PTPN13: variants seen among roughly 807,000 people sequenced by gnomAD.
PTPN13 encodes the protein protein tyrosine phosphatase non-receptor type 13, also known as tyrosine-protein phosphatase non-receptor type 13.
PTPN13 carries 191 observed loss-of-function variants against 284.0 expected under a neutral mutation model. The ratio of observed to expected loss-of-function variants is 0.67; its 90% CI spans 0.60 to 0.76. The LOEUF is 0.76. Among genes scored for constraint, PTPN13 ranks in the 30% least tolerant of loss-of-function variants. PTPN13 has a pLI of 0.00. For missense variants in PTPN13, 2,797 were observed against 2,939.9 expected, an observed-to-expected ratio of 0.95 and a Z score of 1.12; for synonymous variants, 986 against 1,022.3, an observed-to-expected ratio of 0.96 and a Z score of 0.68.
chr4:86,773,262 G>C (rs1247265902), intron 32 of PTPN13, among the ~76,000 whole-genome samples: 1 of 152,174 alleles, frequency 6.6e-6, no homozygotes, highest in East Asian at 1.9e-4. Flanking sequence ...ACCTCACAGG[G>C]TTGTGGTGAA....
intron 12 of PTPN13, among the ~76,000 whole-genome samples, chr4:86,733,815 A>G (rs1050073141): frequency 6.6e-6 from 1 of 152,186 alleles, no homozygotes; most frequent in Non-Finnish European, 1.5e-5. Context: ...TTAAAAAATA[A>G]AATGATAAAT....
chr4:86,788,013 T>C (rs1010165859), intron 40 of PTPN13, among the ~76,000 whole-genome samples: 1 of 152,182 alleles, frequency 6.6e-6, no homozygotes, highest in Non-Finnish European at 1.5e-5. Context: ...CTAGATAAAT[T>C]AGTGCTTCCT....
At chr4:86,727,076 G>A (rs960548742) in intron 10 of PTPN13, among the ~76,000 whole-genome samples, 11 of 149,632 alleles carry the variant, frequency 7.4e-5, no homozygotes, top group African/African-American at 1.5e-4. Flanking sequence ...ATAATCATGT[G>A]GTTTTTGTAG....
intron 2 of PTPN13, among the ~76,000 whole-genome samples, chr4:86,659,458 A>G (rs746804395): frequency 6.6e-6 from 1 of 152,248 alleles, no homozygotes; most frequent in Admixed American, 6.5e-5. Context: ...TTAAGTATTC[A>G]TCTGAAATTA....
intron 3 of PTPN13, among the ~76,000 whole-genome samples, chr4:86,679,536 A>G (rs1041269425): frequency 5.9e-5 from 9 of 152,200 alleles, no homozygotes; most frequent in African/African-American, 1.7e-4. Context: ...GCAGCCACCT[A>G]TGTTTTATCA....
intron 47 of PTPN13, among the ~76,000 whole-genome samples, chr4:86,812,561 G>A (rs1239017792): frequency 6.6e-6 from 1 of 152,090 alleles, no homozygotes; most frequent in Non-Finnish European, 1.5e-5. Flanking sequence ...TAAACAGGGC[G>A]GCACCATTGG....
In PTPN13 at chr4:86,811,157, TA is replaced by T. The variant is rs757451538; in HGVS notation, c.7362+50del. 1.6e-5 allele frequency: 25 copies of T among 1,545,090 alleles called. No homozygotes were observed. The African/African-American group carries it at 2.9e-4, about 18-fold the overall frequency. On this transcript the variant is annotated intron_variant, in intron 47 of 47. Coordinates refer to ENST00000411767, the MANE Select transcript of PTPN13 (RefSeq NM_080683.3). The stretch of plus-strand genomic sequence containing the variant: ...ATGAGAATTTTTGTAAAGATTCTAA[TA>T]TTTTTTAAGGTTCTTATTAAACCAT...
chr4:86,777,776 T>C (rs527698874), intron 35 of PTPN13, among the ~76,000 whole-genome samples: 2 of 152,322 alleles, frequency 1.3e-5, no homozygotes, highest in African/African-American at 4.8e-5. Flanking sequence ...GTGTACTTTT[T>C]TTTCCCCTTG....
At chr4:86,720,415 G>C (rs1284144652) in intron 9 of PTPN13, among the ~76,000 whole-genome samples, 1 of 152,044 alleles carries the variant, frequency 6.6e-6, no homozygotes, top group East Asian at 1.9e-4. Flanking sequence ...ACTTCATGGG[G>C]AGAAAAAGCC....
intron 35 of PTPN13, among the ~76,000 whole-genome samples, chr4:86,776,453 C>G (rs1430175013): frequency 6.6e-6 from 1 of 152,202 alleles, no homozygotes; most frequent in Non-Finnish European, 1.5e-5. Context: ...AAACAGAAAT[C>G]TCACCAATCA....
Position 86,762,726 on chromosome 4 carries a change from G to A in PTPN13, c.3554-1G>A, listed in dbSNP as rs976542833. On this transcript the variant is annotated splice_acceptor_variant, in intron 23 of 47. Transcript: ENST00000411767. LOFTEE classifies it high-confidence loss of function. Reference sequence around the variant, plus strand: ...TCTCATTGATGGATTTTGACTTTTAGTGCCTTCTACTCCTGTGCATCTCAC... The same window carrying A: ...TCTCATTGATGGATTTTGACTTTTAATGCCTTCTACTCCTGTGCATCTCAC... 1.3e-6 allele frequency: 2 copies of A among 1,584,216 alleles called. No individual in the cohort carries two copies. The highest frequency in any genetic ancestry group is 2.3e-5 in the East Asian group (1 of 44,158).
In PTPN13 at chr4:86,693,641, C is replaced by T. The variant is rs1369632873; in HGVS notation, c.601C>T (p.Arg201Ter). Residue 201 changes from arginine to a stop codon, truncating the protein, a stop_gained, in exon 6 of 48, where the codon CGA becomes TGA. Coordinates refer to ENST00000411767, the MANE Select transcript of PTPN13 (RefSeq NM_080683.3). LOFTEE classifies it high-confidence loss of function. ...AAAGCCTGATCGAAGCCAGGCTATT[C>T]GAGATCGATTGCGAGGAAAAGGATT... ...EQKPDRSQAI[R>*]DRLRGKGLPT... 3.9e-6 allele frequency: 6 copies of T among 1,555,824 alleles called. No individual in the cohort carries two copies. Among genetic ancestry groups the T allele is most frequent in the African/African-American group, 2.7e-5 (2 of 73,650 alleles).
rs1236154458 is a variant in PTPN13, at chr4:86,734,432, T to G, written c.1988T>G (p.Phe663Cys). ...ACTTTGTTTTTCAGAATTAAATTTT[T>G]TATGGATGATGTTAGTCTAATACAG... ...NFTLFFRIKF[F>C]MDDVSLIQHT... is the part of the protein sequence containing the mutation. The change falls in exon 13 of 48, where the codon TTT becomes TGT. Residue 663 changes from phenylalanine (F) to cysteine (C), a missense_variant. Physicochemically the swap from Phe to Cys is radical, Grantham distance 205. Transcript: ENST00000411767. 6.4e-7 allele frequency: 1 copy of G among 1,557,752 alleles called. No homozygotes were observed. The highest frequency in any genetic ancestry group is 8.7e-7 in the Non-Finnish European group (1 of 1,149,594).
Position 86,809,910 on chromosome 4 carries a change from A to G in PTPN13, c.7225A>G (p.Ser2409Gly). The change falls in exon 46 of 48, where the codon AGT (serine) becomes GGT (glycine). Residue 2409 changes from serine (S) to glycine (G), a missense_variant. By Grantham distance (56) the Ser-to-Gly change is moderately conservative. Transcript: ENST00000411767. ...HRSGPIITHC[S>G]AGIGRSGTLI... Reference sequence around the variant, plus strand: ...ATCAGGCCCAATCATTACGCACTGCAGTGCTGGCATTGGACGTTCAGGGAC... The same window carrying G: ...ATCAGGCCCAATCATTACGCACTGCGGTGCTGGCATTGGACGTTCAGGGAC... 6.2e-7 allele frequency: 1 copy of G among 1,614,022 alleles called. No individual in the cohort carries two copies.
chr4:86,595,177 G>C (rs1763522024), intron 1 of PTPN13, among the ~76,000 whole-genome samples: 1 of 152,064 alleles, frequency 6.6e-6, no homozygotes, highest in East Asian at 1.9e-4. Context: ...AGGGCTCCCG[G>C]AGTCTGTTTC....
intron 2 of PTPN13, among the ~76,000 whole-genome samples, chr4:86,652,485 G>T (rs894009401): frequency 2.0e-5 from 3 of 152,128 alleles, no homozygotes; most frequent in Admixed American, 6.5e-5. Flanking sequence ...GTCTGGGGAA[G>T]TCTTTATCTC....
Position 86,734,927 on chromosome 4 carries a change from T to C in PTPN13, c.2151+52T>C, listed in dbSNP as rs1735330768. The C allele has an allele frequency of 5.7e-6, 9 of 1,569,980 alleles. No individual in the cohort carries two copies. In the East Asian group the frequency reaches 1.8e-4, roughly 32 times the overall value. On this transcript the variant is annotated intron_variant, in intron 14 of 47. Transcript: ENST00000411767. ...CATTTTTGTTTGGTGTTGTTACCTT[T>C]AACATAGTTAATGACTAAACCTGAT...
At chr4:86,757,955 C>G (rs866990482) in intron 20 of PTPN13, among the ~76,000 whole-genome samples, 3 of 152,082 alleles carry the variant, frequency 2.0e-5, no homozygotes, top group Admixed American at 6.6e-5. Context: ...TCGGCTCTTT[C>G]CTGTACTAGC....
At chr4:86,782,954 C>T (rs779494581) in intron 37 of PTPN13, among the ~76,000 whole-genome samples, 3 of 152,164 alleles carry the variant, frequency 2.0e-5, no homozygotes, top group Non-Finnish European at 4.4e-5. Flanking sequence ...GCTAGATCTT[C>T]ATTTCATGGA....
Sources: gnomAD v4.1 joint callset for allele counts (sites outside exome capture counted in the v4.1 genomes callset) on GRCh38, gnomAD v4.1.1 for gene constraint, MANE v1.5 for transcripts, NCBI Gene and HGNC (gene_info 2026-07-23, HGNC 2026-07-21) for gene names.